Variants in GABRB1 observed in about 807,000 individuals in gnomAD.
GABRB1 encodes gamma-aminobutyric acid receptor subunit beta-1.
A neutral mutation model predicts 51.6 loss-of-function variants in GABRB1; 17 were observed. That is an observed-to-expected ratio of 0.33 (90% confidence interval 0.23 to 0.49). The LOEUF (loss-of-function observed/expected upper bound fraction) is 0.49. Among genes scored for constraint, GABRB1 ranks in the 20% least tolerant of loss-of-function variants. The pLI is 0.99. For synonymous variants in GABRB1, 247 were observed against 218.9 expected, an observed-to-expected ratio of 1.13 and a Z score of -1.14; for missense variants, 410 against 600.6, an observed-to-expected ratio of 0.68 and a Z score of 3.32.
chr4:47,094,797 T>C (rs80318165), intron 3 of GABRB1, among the ~76,000 whole-genome samples: 4,930 of 151,992 alleles, frequency 0.032, 375 homozygotes, highest in East Asian at 0.17. Context: ...GAAACTTTAC[T>C]GTTTAATTAA....
intron 4 of GABRB1, among the ~76,000 whole-genome samples, chr4:47,209,702 G>C (rs779533284): frequency 6.6e-6 from 1 of 151,692 alleles, no homozygotes; most frequent in East Asian, 1.9e-4. Flanking sequence ...CTTGCTAATT[G>C]AATCAGTGAA....
In GABRB1 at chr4:47,376,534, C is replaced by T. The variant is rs991517867; in HGVS notation, c.545-26784C>T. On this transcript the variant is annotated intron_variant, in intron 5 of 8. Coordinates refer to ENST00000295454, the MANE Select transcript of GABRB1 (RefSeq NM_000812.4). The stretch of plus-strand genomic sequence containing the variant: ...TAGTGGCGGCCGCCTGTAGTCCCAG[C>T]TACTTGGGGGGCTGAGGCAGGAGAA... 3.3e-5 allele frequency among the ~76,000 whole-genome samples: 5 copies of T among 152,316 alleles called. No individual in the cohort carries two copies. The South Asian group carries it at 1.0e-3, about 32-fold the overall frequency.
intron 5 of GABRB1, among the ~76,000 whole-genome samples, chr4:47,400,601 T>C (rs1242300776): frequency 6.6e-6 from 1 of 151,588 alleles, no homozygotes; most frequent in East Asian, 1.9e-4. Flanking sequence ...TTCAATAGCT[T>C]TAGGGGTTTT....
intron 4 of GABRB1, among the ~76,000 whole-genome samples, chr4:47,299,007 A>G (rs1165508735): frequency 6.6e-6 from 1 of 151,778 alleles, no homozygotes; most frequent in Non-Finnish European, 1.5e-5. Flanking sequence ...CCTATTTAAT[A>G]AATGGTGCTG....
chr4:47,122,393 A>G (rs1162667391), intron 3 of GABRB1, among the ~76,000 whole-genome samples: 1 of 152,120 alleles, frequency 6.6e-6, no homozygotes, highest in Non-Finnish European at 1.5e-5. Flanking sequence ...AAGGTCCAAT[A>G]AGAAGACAGG....
At chr4:47,118,529 A>T (rs528157872) in intron 3 of GABRB1, among the ~76,000 whole-genome samples, 1 of 152,316 alleles carries the variant, frequency 6.6e-6, no homozygotes, top group African/African-American at 2.4e-5. Flanking sequence ...TATCTTGTTC[A>T]CTGAAATGTA....
At chr4:47,225,517 A>T (rs1469119179) in intron 4 of GABRB1, among the ~76,000 whole-genome samples, 2 of 152,140 alleles carry the variant, frequency 1.3e-5, no homozygotes, top group African/African-American at 4.8e-5. Flanking sequence ...AAATTCACAG[A>T]TATCTCTTTT....
intron 3 of GABRB1, among the ~76,000 whole-genome samples, chr4:47,100,825 G>T (rs1714687384): frequency 6.6e-6 from 1 of 151,994 alleles, no homozygotes; most frequent in Non-Finnish European, 1.5e-5. Flanking sequence ...CCATACAAGA[G>T]TTTATGTTAA....
At chr4:47,018,838 G>C (rs1724826759) in intron 1 of GABRB1, among the ~76,000 whole-genome samples, 1 of 152,060 alleles carries the variant, frequency 6.6e-6, no homozygotes, top group Admixed American at 6.6e-5. Context: ...GTTTGATTTT[G>C]TCATCTCAGG....
intron 3 of GABRB1, among the ~76,000 whole-genome samples, chr4:47,120,673 G>T (rs1008185392): frequency 6.6e-6 from 1 of 152,090 alleles, no homozygotes; most frequent in Non-Finnish European, 1.5e-5. Context: ...GGATCCAACA[G>T]CTCTTTAATC....
At chr4:47,226,906 G>A (rs1459970742) in intron 4 of GABRB1, among the ~76,000 whole-genome samples, 6 of 152,168 alleles carry the variant, frequency 3.9e-5, no homozygotes, top group Admixed American at 3.9e-4. Context: ...AAGGAGCAGA[G>A]ACAATGGAAA....
chr4:47,409,412 A>G (rs1038409363), intron 8 of GABRB1, among the ~76,000 whole-genome samples: 8 of 152,216 alleles, frequency 5.3e-5, no homozygotes, highest in Admixed American at 2.6e-4. Flanking sequence ...TGGGAAGATA[A>G]TCTTCCCCAG....
intron 4 of GABRB1, among the ~76,000 whole-genome samples, chr4:47,246,378 A>ATATG (rs1560295779): frequency 2.1e-5 from 1 of 48,626 alleles, no homozygotes; most frequent in African/African-American, 1.2e-4. Context: ...ATATATATAT[A>ATATG]TATATATATA....
chr4:47,089,512 A>G (rs1560528961), intron 3 of GABRB1, among the ~76,000 whole-genome samples: 3 of 151,924 alleles, frequency 2.0e-5, no homozygotes, highest in Non-Finnish European at 4.4e-5. Context: ...ACGAGAGCAC[A>G]TCTCTCTCTC....
intron 5 of GABRB1, among the ~76,000 whole-genome samples, chr4:47,346,671 T>A (rs1726105823): frequency 6.6e-6 from 1 of 152,186 alleles, no homozygotes; most frequent in Non-Finnish European, 1.5e-5. Context: ...GATAAGAAAG[T>A]CCCTACAGGA....
chr4:47,333,612 G>T (rs1220633401), intron 5 of GABRB1, among the ~76,000 whole-genome samples: 2 of 152,094 alleles, frequency 1.3e-5, no homozygotes, highest in African/African-American at 4.8e-5. Flanking sequence ...CCACTCAGAA[G>T]GCTGAGGCAG....
chr4:47,425,512 AGATAGATC>A (rs904385310), intron 8 of GABRB1, among the ~76,000 whole-genome samples, 154 bp from the exon 9 acceptor site: 335 of 148,098 alleles, frequency 2.3e-3, no homozygotes, highest in African/African-American at 7.5e-3. Flanking sequence ...ATAGATAGAT[AGATAGATC>A]GATCGATCTA....
intron 5 of GABRB1, among the ~76,000 whole-genome samples, chr4:47,333,191 T>G (rs920331291): frequency 3.4e-3 from 3 of 884 alleles, no homozygotes; most frequent in Non-Finnish European, 4.9e-3. Flanking sequence ...AAACCCATTT[T>G]ATTTATATAT....
chr4:47,279,559 T>C (rs1043328111), intron 4 of GABRB1, among the ~76,000 whole-genome samples: 6 of 152,232 alleles, frequency 3.9e-5, no homozygotes, highest in South Asian at 2.1e-4. Context: ...CTTACATCTA[T>C]TAATGTTTGC....
Sources: allele counts gnomAD v4.1 joint callset (sites outside exome capture counted in the v4.1 genomes callset), GRCh38; gene constraint gnomAD v4.1.1; transcripts MANE v1.5; gene names NCBI Gene and HGNC (gene_info 2026-07-23, HGNC 2026-07-21).